The following ZNF732 variants were observed in gnomAD, a reference collection of about 807,000 sequenced individuals.
ZNF732 encodes the protein zinc finger protein LOC654254.
In ZNF732, 12 loss-of-function variants were observed where a neutral mutation model predicts 11.5. The ratio of observed to expected loss-of-function variants is 1.05; its 90% confidence interval spans 0.67 to 1.70. ZNF732 has a LOEUF of 1.70. Among genes scored for constraint, ZNF732 ranks in the 40% most tolerant of loss-of-function variants. The pLI is 0.00. For missense variants in ZNF732, 702 were observed against 676.9 expected, an observed-to-expected ratio of 1.04 and a Z score of -0.41; for synonymous variants, 231 against 236.5, an observed-to-expected ratio of 0.98 and a Z score of 0.21.
At chr4:273,314 T>C (rs1386110893) in intron 3 of ZNF732, among the ~76,000 whole-genome samples, 1 of 152,092 alleles carries the variant, frequency 6.6e-6, no homozygotes, top group African/African-American at 2.4e-5. Flanking sequence ...CTTCAGACTA[T>C]GTCAGGAGAA....
At chr4:292,908 A>AAT (rs1553841561) in intron 3 of ZNF732, among the ~76,000 whole-genome samples, 2 of 147,968 alleles carry the variant, frequency 1.4e-5, no homozygotes, top group African/African-American at 4.9e-5. Flanking sequence ...AAAAAAAAAA[A>AAT]AAAAAAAAAA....
chr4:279,476 T>C (rs1486302864), intron 3 of ZNF732, among the ~76,000 whole-genome samples: 1 of 151,578 alleles, frequency 6.6e-6, no homozygotes, highest in Admixed American at 6.6e-5. Flanking sequence ...AGACATTATA[T>C]TATATAATTA....
rs553409844 is a variant in ZNF732, at chr4:272,628, C to G, written c.229G>C (p.Val77Leu). The G allele has an allele frequency of 2.6e-5, 39 of 1,504,714 alleles. 1 individual carries two copies. In the South Asian group the frequency reaches 4.9e-4, roughly 19 times the overall value. 93.2% of individuals were successfully genotyped at this position (1,504,714 alleles called of 1,614,324 possible). A position where few individuals can be genotyped will look rare whatever the true frequency, so the allele number is the denominator to read the frequency against. ...IHETVAKHPAVCSHFTQDFLP... is the reference protein window; with the variant it reads ...IHETVAKHPALCSHFTQDFLP... ...AAGTCTTGGGTGAAATGAGAACACA[C>G]AGCTGAAAGAAATAAAAATAAATTA... The change falls in exon 4 of 4, where the codon GTG becomes CTG. Residue 77 changes from valine to leucine, a missense_variant and splice_region_variant. By Grantham distance (32) the Val-to-Leu change is conservative (BLOSUM62 1). Coordinates refer to ENST00000419098, the MANE Select transcript of ZNF732 (RefSeq NM_001137608.3).
intron 1 of ZNF732, among the ~76,000 whole-genome samples, chr4:302,330 A>G (rs781840070): frequency 5.3e-5 from 8 of 152,238 alleles, no homozygotes; most frequent in Non-Finnish European, 1.0e-4. Context: ...ATGTTTTGTT[A>G]CATAATTAAA....
At chr4:279,967 C>T (rs1553839459) in intron 3 of ZNF732, among the ~76,000 whole-genome samples, 2 of 152,122 alleles carry the variant, frequency 1.3e-5, no homozygotes, top group East Asian at 3.8e-4. Flanking sequence ...GTCTGAATTA[C>T]ACATATATTT....
At position 272,590 on chromosome 4, in the gene ZNF732, C is replaced by T. The variant is rs782108019; in HGVS notation, c.267G>A (p.Gln89=). The part of the protein sequence containing the change: ...SHFTQDFLPV[Q]GIEDSFHKLI... ...GTTTGTGGAACGAATCTTCTATCCC[C>T]TGCACTGGCAAAAAGTCTTGGGTGA... Residue 89 remains glutamine, a synonymous_variant, in exon 4 of 4, where the codon CAG becomes CAA. Transcript: ENST00000419098. 6.4e-7 allele frequency: 1 copy of T among 1,554,602 alleles called. No individual in the cohort carries two copies. Among genetic ancestry groups the T allele is most frequent in the South Asian group, 1.3e-5 (1 of 79,908 alleles).
chr4:276,358 T>C (rs782266328), intron 3 of ZNF732, among the ~76,000 whole-genome samples: 3 of 151,962 alleles, frequency 2.0e-5, no homozygotes, highest in Non-Finnish European at 3.0e-5. Context: ...AATGCTGTCA[T>C]AGACAATAAT....
intron 1 of ZNF732, among the ~76,000 whole-genome samples, chr4:298,504 G>A (rs1553842821): frequency 6.6e-6 from 1 of 152,116 alleles, no homozygotes; most frequent in African/African-American, 2.4e-5. Flanking sequence ...CCCTGAATAA[G>A]TCATTTATCT....
intron 3 of ZNF732, among the ~76,000 whole-genome samples, chr4:281,944 C>G (rs1255234955): frequency 2.0e-5 from 3 of 152,024 alleles, no homozygotes. Flanking sequence ...ACACATATTA[C>G]TAAATTTTTT....
In ZNF732 at chr4:305,380, G is replaced by T. The variant is rs1396389593; in HGVS notation, c.-70C>A. On this transcript the variant is annotated 5_prime_UTR_variant, in exon 1 of 4. Coordinates refer to ENST00000419098, the MANE Select transcript of ZNF732 (RefSeq NM_001137608.3). ...CAATACCCGCAGGTCACAGAGCGACGGAGGCTGAGGCTGTGACCGAATCAC... is the reference window on the plus strand; with the variant it reads ...CAATACCCGCAGGTCACAGAGCGACTGAGGCTGAGGCTGTGACCGAATCAC... 2.5e-6 allele frequency: 4 copies of T among 1,597,222 alleles called. No homozygotes were observed. Among genetic ancestry groups the T allele is most frequent in the Non-Finnish European group, 3.4e-6 (4 of 1,173,868 alleles).
rs782474866 is a variant in ZNF732 at position 271,459 on chromosome 4, T to A, written c.1398A>T (p.Lys466Asn). ...TATAAGGTTTCTCTCCAGTATGAAT[T>A]TTCTTATGTTTACTCAGGTATGCAG... is the stretch of plus-strand genomic sequence containing the variant. The part of the protein sequence containing the change: ...GWSAYLSKHK[K>N]IHTGEKPYRC... The change falls in exon 4 of 4, where the codon AAA becomes AAT. Residue 466 changes from lysine to asparagine, a missense_variant. Lys to Asn is a moderately conservative substitution (Grantham distance 94). Around this residue, in one of 3 missense-constraint regions of ZNF732, gnomAD observed 596 missense variants for 557.9 expected, o/e 1.07. Coordinates refer to ENST00000419098, the MANE Select transcript of ZNF732 (RefSeq NM_001137608.3). 6.2e-7 allele frequency: 1 copy of A among 1,607,616 alleles called. No homozygotes were observed. Among genetic ancestry groups the A allele is most frequent in the Non-Finnish European group, 8.5e-7 (1 of 1,176,974 alleles).
chr4:271,999 G>A lies in ZNF732; in HGVS notation c.858C>T (p.Ile286=). 1 of 1,608,522 alleles carries A rather than the reference G, an allele frequency of 6.2e-7. No homozygotes were observed. Among genetic ancestry groups the A allele is most frequent in the Non-Finnish European group, 8.5e-7 (1 of 1,177,200 alleles). ...KPFTCEECGK[I]ITSSSNVAKH... ...TGGCAACATTTGAGGATGAGGTAATGATTTTGCCACATTCTTCACATGTGA... is the reference window on the plus strand; with the variant it reads ...TGGCAACATTTGAGGATGAGGTAATAATTTTGCCACATTCTTCACATGTGA... Residue 286 remains isoleucine, a synonymous_variant, in exon 4 of 4, where the codon ATC becomes ATT. Coordinates refer to ENST00000419098, the MANE Select transcript of ZNF732 (RefSeq NM_001137608.3).
intron 3 of ZNF732, among the ~76,000 whole-genome samples, chr4:280,652 T>C (rs1167066354): frequency 6.6e-6 from 1 of 152,068 alleles, no homozygotes; most frequent in Non-Finnish European, 1.5e-5. Flanking sequence ...ATGTCAAGGG[T>C]TGTGAACCCA....
intron 3 of ZNF732, among the ~76,000 whole-genome samples, chr4:292,769 G>A (rs544440352): frequency 6.6e-5 from 10 of 150,894 alleles, no homozygotes; most frequent in African/African-American, 1.7e-4. Flanking sequence ...TAAAAAGGCC[G>A]GGCGCAGTGG....
chr4:273,339 G>A (rs1455174143), intron 3 of ZNF732, among the ~76,000 whole-genome samples: 1 of 151,982 alleles, frequency 6.6e-6, no homozygotes, highest in Non-Finnish European at 1.5e-5. Flanking sequence ...ACATTGTAAA[G>A]GTTGTGATAA....
intron 1 of ZNF732, among the ~76,000 whole-genome samples, chr4:300,496 A>G (rs549985288): frequency 3.2e-4 from 49 of 151,956 alleles, no homozygotes; most frequent in African/African-American, 1.2e-3. Context: ...AAAAAATTAT[A>G]GCCATTTGTG....
chr4:296,241 T>G lies in ZNF732; in HGVS notation c.4-86A>C, dbSNP rs184780879. The stretch of plus-strand genomic sequence containing the variant: ...AAGAGAACTAGTTCTGACATGTGAC[T>G]GACTGAGATTATCTGATAAAATAAC... On this transcript the variant is annotated intron_variant, in intron 1 of 3. Transcript: ENST00000419098. 142 of 1,515,962 alleles carry G rather than the reference T, an allele frequency of 9.4e-5. 1 individual carries two copies. The East Asian group carries it at 3.2e-3, about 34-fold the overall frequency. The allele number at this position is 1,515,962 out of a possible 1,614,324, so 93.9% of individuals were successfully genotyped here. A position where few individuals can be genotyped will look rare whatever the true frequency, so the allele number is the denominator to read the frequency against.
intron 3 of ZNF732, among the ~76,000 whole-genome samples, chr4:277,103 AAAAT>A (rs1199046293): frequency 1.3e-5 from 2 of 152,080 alleles, no homozygotes; most frequent in African/African-American, 4.8e-5. Flanking sequence ...GATAATCAAA[AAAAT>A]AAAACTAGGC....
chr4:303,992 AGAG>A (rs1720173375), intron 1 of ZNF732, among the ~76,000 whole-genome samples: 2 of 152,218 alleles, frequency 1.3e-5, no homozygotes, highest in African/African-American at 2.4e-5. Context: ...CCATAAAGGC[AGAG>A]GAGATTAGGA....
Sources: gnomAD v4.1 joint callset for allele counts (sites outside exome capture counted in the v4.1 genomes callset) on GRCh38, gnomAD v4.1.1 for gene constraint, gnomAD v4.1.1 regional missense constraint, MANE v1.5 for transcripts, NCBI Gene and HGNC (gene_info 2026-07-23, HGNC 2026-07-21) for gene names.